The following CNKSR3 variants were observed in gnomAD, a reference collection of about 807,000 sequenced individuals.
CNKSR3 encodes the protein CNKSR family member 3, also known as connector enhancer of kinase suppressor of ras 3.
CNKSR3 carries 36 observed loss-of-function variants against 67.7 expected under a neutral mutation model. The observed-to-expected ratio is 0.53, with a 90% CI of 0.41 to 0.70. The LOEUF is 0.70. Ranked by LOEUF, CNKSR3 falls within the 30% of genes least tolerant of loss-of-function variation. The pLI is 0.00. For missense variants in CNKSR3, 630 were observed against 695.2 expected, an observed-to-expected ratio of 0.91 and a Z score of 1.05; for synonymous variants, 281 against 271.4, an observed-to-expected ratio of 1.04 and a Z score of -0.35.
At chr6:154,441,242 CAAAA>C (rs34887626) in intron 4 of CNKSR3, 46 bp downstream of exon 4, 38,900 of 824,778 alleles carry the variant, frequency 0.047, 86 homozygotes, top group African/African-American at 0.058. Context: ...AGAGGAAAAG[CAAAA>C]AAAAAAAAAA....
In CNKSR3 at chr6:154,442,195, T is replaced by G. The variant is rs1228153363; in HGVS notation, c.312A>C (p.Lys104Asn). Reference sequence around the variant, plus strand: ...AGGTGTTGCCATCGTAAGCGGGACTTTTCCGTCGGCTACTTATGTAATTCT... The same window carrying G: ...AGGTGTTGCCATCGTAAGCGGGACTGTTCCGTCGGCTACTTATGTAATTCT... ...NLQNYISSRR[K>N]SPAYDGNTSR... The change falls in exon 3 of 13, where the codon AAA becomes AAC. Residue 104 changes from lysine to asparagine, a missense_variant. Coordinates refer to ENST00000607772, the MANE Select transcript of CNKSR3 (RefSeq NM_173515.4). 1.2e-6 allele frequency: 2 copies of G among 1,614,188 alleles called. No homozygotes were observed. Among genetic ancestry groups the G allele is most frequent in the South Asian group, 2.2e-5 (2 of 91,092 alleles).
intron 4 of CNKSR3, among the ~76,000 whole-genome samples, chr6:154,437,881 C>T (rs1785504539): frequency 6.6e-6 from 1 of 152,120 alleles, no homozygotes; most frequent in African/African-American, 2.4e-5. Context: ...AGAATAAGGG[C>T]AGTATATTTG....
At chr6:154,501,950 G>C (rs1042989391) in intron 1 of CNKSR3, among the ~76,000 whole-genome samples, 9 of 151,974 alleles carry the variant, frequency 5.9e-5, no homozygotes, top group Non-Finnish European at 1.3e-4. Context: ...ACAACAAAAG[G>C]GTGAATGGAA....
intron 1 of CNKSR3, among the ~76,000 whole-genome samples, chr6:154,509,485 G>A (rs1286482534): frequency 1.3e-5 from 2 of 152,172 alleles, no homozygotes; most frequent in South Asian, 4.1e-4. Context: ...GGGGAGTCCT[G>A]GCTCGAGGTT....
chr6:154,478,117 G>A (rs1196129631), intron 1 of CNKSR3, among the ~76,000 whole-genome samples: 1 of 152,186 alleles, frequency 6.6e-6, no homozygotes, highest in Admixed American at 6.5e-5. Context: ...AGAAAGGTGA[G>A]TACAGCCTGA....
Position 154,398,100 on chromosome 6 carries a change from C to T in CNKSR3, c.*8254G>A, listed in dbSNP as rs1784679993. On this transcript the variant is annotated 3_prime_UTR_variant, in exon 13 of 13. Coordinates refer to ENST00000607772, the MANE Select transcript of CNKSR3 (RefSeq NM_173515.4). ...GGCTCTGCCTGACACACGGAGGACA[C>T]AATCACAAGAGCCAAAGCAGGGAAG... 1 of 152,288 alleles carries T rather than the reference C, an allele frequency of 6.6e-6. No homozygotes were observed. Among genetic ancestry groups the T allele is most frequent in the Non-Finnish European group, 1.5e-5 (1 of 68,128 alleles). 9.4% of individuals were successfully genotyped at this position (152,288 alleles called of 1,614,324 possible).
intron 1 of CNKSR3, among the ~76,000 whole-genome samples, chr6:154,456,330 T>G (rs74406457): frequency 4.6e-5 from 7 of 152,082 alleles, no homozygotes; most frequent in African/African-American, 9.7e-5. Context: ...GTTTTGTTTT[T>G]TTAATGATTA....
intron 1 of CNKSR3, among the ~76,000 whole-genome samples, chr6:154,487,624 CTG>C (rs1229361064): frequency 6.6e-6 from 1 of 152,212 alleles, no homozygotes. Flanking sequence ...CAGGAAGAGA[CTG>C]TGAATGAATG....
chr6:154,484,636 A>C (rs1786628914), intron 1 of CNKSR3, among the ~76,000 whole-genome samples: 1 of 139,022 alleles, frequency 7.2e-6, no homozygotes, highest in Admixed American at 7.5e-5. Flanking sequence ...CAGGAGGTGG[A>C]GGTTGCAGTG....
intron 1 of CNKSR3, among the ~76,000 whole-genome samples, chr6:154,457,903 C>T (rs1785992841): frequency 6.6e-6 from 1 of 152,220 alleles, no homozygotes. Flanking sequence ...CTGTAACTCA[C>T]CCTACTGGTG....
At chr6:154,413,606 C>T (rs1784953727) in intron 10 of CNKSR3, among the ~76,000 whole-genome samples, 1 of 152,058 alleles carries the variant, frequency 6.6e-6, no homozygotes, top group South Asian at 2.1e-4. Flanking sequence ...ATTAATCTCA[C>T]AGAAATACTT....
In CNKSR3 at chr6:154,396,942, G is replaced by GGCGCCCGCCACC; in HGVS notation, c.*9400_*9411dup. ...AACCTCCCGAGTAGCTGGGACTACA[G>GGCGCCCGCCACC]GCGCCCGCCACCACGCCCGGCTAAT... is the stretch of plus-strand genomic sequence containing the variant. On this transcript the variant is annotated 3_prime_UTR_variant, in exon 13 of 13. Transcript: ENST00000607772. The GGCGCCCGCCACC allele has an allele frequency of 1.3e-5, 2 of 150,848 alleles. No individual in the cohort carries two copies. Among genetic ancestry groups the GGCGCCCGCCACC allele is most frequent in the East Asian group, 3.9e-4 (2 of 5,090 alleles). 9.3% of individuals were successfully genotyped at this position (150,848 alleles called of 1,614,324 possible). A position where few individuals can be genotyped will look rare whatever the true frequency, so the allele number is the denominator to read the frequency against.
intron 1 of CNKSR3, among the ~76,000 whole-genome samples, chr6:154,459,763 CA>C (rs1328672275): frequency 6.6e-6 from 1 of 152,146 alleles, no homozygotes; most frequent in African/African-American, 2.4e-5. Context: ...ATTATTTAAA[CA>C]AAATTTGGAA....
intron 2 of CNKSR3, among the ~76,000 whole-genome samples, chr6:154,445,605 C>T (rs568648089): frequency 3.3e-5 from 5 of 152,178 alleles, no homozygotes; most frequent in East Asian, 1.9e-4. Flanking sequence ...ATATACATAA[C>T]GTTTACTTAT....
At chr6:154,509,689 G>C (rs1052017266) in intron 1 of CNKSR3, among the ~76,000 whole-genome samples, 1 of 152,162 alleles carries the variant, frequency 6.6e-6, no homozygotes. Flanking sequence ...GGCACCTTGT[G>C]CCTCTGCACT....
intron 2 of CNKSR3, among the ~76,000 whole-genome samples, chr6:154,449,878 G>A (rs1247581892): frequency 6.6e-6 from 1 of 152,196 alleles, no homozygotes; most frequent in Non-Finnish European, 1.5e-5. Flanking sequence ...TACAAAAATA[G>A]ATAGTGGGCC....
chr6:154,449,717 C>G (rs1457481922), intron 2 of CNKSR3, among the ~76,000 whole-genome samples: 1 of 152,210 alleles, frequency 6.6e-6, no homozygotes, highest in African/African-American at 2.4e-5. Context: ...AAAAGACAAA[C>G]TCTTTCTGTA....
chr6:154,460,937 TC>T (rs1217387143), intron 1 of CNKSR3, among the ~76,000 whole-genome samples: 4 of 152,146 alleles, frequency 2.6e-5, no homozygotes, highest in African/African-American at 9.7e-5. Flanking sequence ...GGTGAGCACA[TC>T]CATCACTTCT....
At chr6:154,505,815 G>C (rs1206957535) in intron 1 of CNKSR3, among the ~76,000 whole-genome samples, 2 of 152,048 alleles carry the variant, frequency 1.3e-5, no homozygotes, top group African/African-American at 4.8e-5. Context: ...CACAATTGTT[G>C]AGAGCCTACC....
Sources: gnomAD v4.1 joint callset for allele counts (sites outside exome capture counted in the v4.1 genomes callset) on GRCh38, gnomAD v4.1.1 for gene constraint, MANE v1.5 for transcripts, NCBI Gene and HGNC (gene_info 2026-07-23, HGNC 2026-07-21) for gene names.